Variants in SGK2 observed in about 807,000 individuals in gnomAD.
The protein encoded by SGK2 is serine/threonine-protein kinase Sgk2.
A neutral mutation model predicts 47.5 loss-of-function variants in SGK2; 36 were observed. That is an observed-to-expected ratio of 0.76 (90% CI 0.58 to 1.00). SGK2 has a LOEUF of 1.00. Among genes scored for constraint, SGK2 ranks in the 50% least tolerant of loss-of-function variants. The pLI, the probability that SGK2 is intolerant of heterozygous loss-of-function variation, is 0.00. For missense variants in SGK2, 404 were observed against 467.4 expected (o/e 0.86, Z 1.25); for synonymous variants, 157 against 181.9 (o/e 0.86, Z 1.10).
At position 43,570,694 on chromosome 20, in the gene SGK2, C is replaced by T; in HGVS notation, c.438C>T (p.Ala146=). 3 of 1,613,544 alleles carry T rather than the reference C, an allele frequency of 1.9e-6. No individual in the cohort carries two copies. Among genetic ancestry groups the T allele is most frequent in the Non-Finnish European group, 2.5e-6 (3 of 1,179,524 alleles). ...ARFYAAEVAS[A]IGYLHSLNII... is the part of the protein sequence containing the mutation. Reference sequence around the variant, plus strand: ...TCTACGCTGCTGAGGTGGCCAGCGCCATTGGCTACCTGCACTCCCTCAACA... The same window carrying T: ...TCTACGCTGCTGAGGTGGCCAGCGCTATTGGCTACCTGCACTCCCTCAACA... The change falls in exon 7 of 13, where the codon GCC becomes GCT. Residue 146 remains alanine, a synonymous_variant. Coordinates refer to ENST00000373100, the MANE Select transcript of SGK2 (RefSeq NM_170693.3).
intron 1 of SGK2, among the ~76,000 whole-genome samples, chr20:43,561,968 A>C (rs891759473): frequency 5.3e-5 from 8 of 152,112 alleles, no homozygotes; most frequent in Non-Finnish European, 1.0e-4. Flanking sequence ...AGGCGGAGTG[A>C]GGGTGCAAGC....
At chr20:43,579,801 G>A (rs541278286) in intron 11 of SGK2, among the ~76,000 whole-genome samples, 171 bp from the exon 12 acceptor site, 1 of 152,184 alleles carries the variant, frequency 6.6e-6, no homozygotes, top group Non-Finnish European at 1.5e-5. Context: ...TGGATGATGG[G>A]AGAGGCTTGG....
intron 1 of SGK2, among the ~76,000 whole-genome samples, chr20:43,560,265 G>A (rs1375562554): frequency 3.9e-5 from 6 of 152,124 alleles, no homozygotes; most frequent in South Asian, 2.1e-4. Context: ...TTGGGAGGCC[G>A]AGGCAGGCGG....
At chr20:43,569,349 G>A (rs1377751236) in intron 5 of SGK2, 36 bp from the exon 6 acceptor site, 1 of 1,610,576 alleles carries the variant, frequency 6.2e-7, no homozygotes, top group South Asian at 1.1e-5. Flanking sequence ...GCTGTTGTGG[G>A]CTGTGACATG....
intron 1 of SGK2, among the ~76,000 whole-genome samples, chr20:43,560,375 C>T (rs1467220917): frequency 1.3e-5 from 2 of 151,664 alleles, no homozygotes; most frequent in East Asian, 1.9e-4. Flanking sequence ...GACACATGCC[C>T]GTAATCCCAG....
intron 7 of SGK2, 63 bp downstream of exon 7, chr20:43,570,792 G>T: frequency 7.4e-7 from 1 of 1,360,078 alleles, no homozygotes; most frequent in Non-Finnish European, 1.0e-6. Context: ...GCTAGGGGTT[G>T]TGTGGACACT....
In SGK2 at chr20:43,572,259, G is replaced by A; in HGVS notation, c.597+122G>A. 4.1e-6 allele frequency: 3 copies of A among 731,094 alleles called. No individual in the cohort carries two copies. The highest frequency in any genetic ancestry group is 7.1e-6 in the Non-Finnish European group (3 of 420,950). The allele number at this position is 731,094 out of a possible 1,614,324, so 45.3% of individuals were successfully genotyped here. ...TTTGACCCAAACACTTCTCCTGAGT[G>A]GGCTATACACTGAACTGTGGTTTCC... is the stretch of plus-strand genomic sequence containing the variant. On this transcript the variant is annotated intron_variant, in intron 9 of 12. Coordinates refer to ENST00000373100, the MANE Select transcript of SGK2 (RefSeq NM_170693.3). This position sits in a 1 kb window ranked among gnomAD's most constrained non-coding sequence, Gnocchi z 4.2.
At chr20:43,561,971 G>A (rs1979413900) in intron 1 of SGK2, among the ~76,000 whole-genome samples, 1 of 152,170 alleles carries the variant, frequency 6.6e-6, no homozygotes, top group Admixed American at 6.5e-5. Context: ...CGGAGTGAGG[G>A]TGCAAGCTTT....
rs796100790 is a variant in SGK2 at position 43,571,064 on chromosome 20, G to GGTGGGTGTGTGTGTGT, written c.510+7_510+8insGGTGTGTGTGTGTGTG. 7.9e-5 allele frequency: 124 copies of GGTGGGTGTGTGTGTGT among 1,566,102 alleles called. No homozygotes were observed. The highest frequency in any genetic ancestry group is 6.6e-4 in the Middle Eastern group (3 of 4,558). On this transcript the variant is annotated splice_donor_region_variant and intron_variant, in intron 8 of 12. Coordinates refer to ENST00000373100, the MANE Select transcript of SGK2 (RefSeq NM_170693.3). ...GAACATTCTCTTGGACTGCCAGGTT[G>GGTGGGTGTGTGTGTGT]GTGTGTGTGTGTGTGTGTGTGTGTG...
At chr20:43,569,247 C>T in intron 5 of SGK2, 138 bp from the exon 6 acceptor site, 1 of 1,075,072 alleles carries the variant, frequency 9.3e-7, no homozygotes, top group East Asian at 2.5e-5. Context: ...CAATAGGGAG[C>T]CATTGTGGGT....
Position 43,569,752 on chromosome 20 carries a change from T to A in SGK2, c.360+236T>A, listed in dbSNP as rs2145540246. On this transcript the variant is annotated intron_variant, in intron 6 of 12. Transcript: ENST00000373100. ...TCTGTTAGACTCCCCACCATAATGCTTTCTTGCCTTCCTCATTCAGAGTTG... is the reference window on the plus strand; with the variant it reads ...TCTGTTAGACTCCCCACCATAATGCATTCTTGCCTTCCTCATTCAGAGTTG... 3 of 496,160 alleles carry A rather than the reference T, an allele frequency of 6.0e-6. No individual in the cohort carries two copies. The South Asian group carries it at 6.7e-5, about 11-fold the overall frequency. 30.7% of individuals were successfully genotyped at this position (496,160 alleles called of 1,614,324 possible).
chr20:43,571,114 C>T (rs1980102010), intron 8 of SGK2, 54 bp downstream of exon 8: 2 of 1,577,518 alleles, frequency 1.3e-6, no homozygotes, highest in Non-Finnish European at 8.6e-7. Context: ...TGTGGTTGCA[C>T]AGGTACACTA....
At chr20:43,580,643 G>C (rs1282028692) in intron 12 of SGK2, among the ~76,000 whole-genome samples, 1 of 144,394 alleles carries the variant, frequency 6.9e-6, no homozygotes, top group East Asian at 2.1e-4. Context: ...TGGGAGAATA[G>C]CTTGAACCTG....
chr20:43,561,386 A>ATTT (rs5841510), intron 1 of SGK2, among the ~76,000 whole-genome samples: 4 of 112,412 alleles, frequency 3.6e-5, no homozygotes, highest in Admixed American at 1.0e-4. Context: ...GAGGCTTTGG[A>ATTT]TTTTTTTTTT....
At chr20:43,576,417 G>C in intron 11 of SGK2, 38 bp downstream of exon 11, 1 of 1,595,926 alleles carries the variant, frequency 6.3e-7, no homozygotes, top group Non-Finnish European at 8.6e-7. Context: ...CCCCCATGGG[G>C]CTCGCAGCTT....
At position 43,567,918 on chromosome 20, in the gene SGK2, C is replaced by G. The variant is rs774082482; in HGVS notation, c.147C>G (p.Val49=). 1 of 1,613,960 alleles carries G rather than the reference C, an allele frequency of 6.2e-7. No homozygotes were observed. Among genetic ancestry groups the G allele is most frequent in the South Asian group, 1.1e-5 (1 of 91,066 alleles). The change falls in exon 5 of 13, where the codon GTC becomes GTG. Residue 49 remains valine, a splice_region_variant and synonymous_variant. Transcript: ENST00000373100. ...CTCAAATTCATGTTTCTTCTCAGGT[C>G]CTACTGGCCAAGCGCAAGTCTGATG... ...KVIGKGNYGK[V]LLAKRKSDGA...
intron 1 of SGK2, among the ~76,000 whole-genome samples, chr20:43,562,868 C>T (rs1979473419): frequency 6.6e-6 from 1 of 152,116 alleles, no homozygotes; most frequent in Admixed American, 6.6e-5. Flanking sequence ...CGCAGTGGCT[C>T]ACGCCTGTAA....
chr20:43,565,995 C>T (rs2145532314), intron 1 of SGK2: 1 of 238,660 alleles, frequency 4.2e-6, no homozygotes, highest in East Asian at 8.4e-5. Context: ...TGCCATTGTT[C>T]CTCTATGGGA....
chr20:43,584,032 C>T (rs1320773548), intron 12 of SGK2, among the ~76,000 whole-genome samples: 1 of 151,974 alleles, frequency 6.6e-6, no homozygotes, highest in Non-Finnish European at 1.5e-5. Context: ...CAGCTGGTCT[C>T]TGTGGAGCTC....
Sources: allele counts gnomAD v4.1 joint callset (sites outside exome capture counted in the v4.1 genomes callset), GRCh38; gene constraint gnomAD v4.1.1; non-coding constraint Gnocchi (gnomAD v3.1); transcripts MANE v1.5; gene names NCBI Gene and HGNC (gene_info 2026-07-23, HGNC 2026-07-21).